Variants in ADAMTS17 observed in about 807,000 individuals in gnomAD.
ADAMTS17 encodes A disintegrin and metalloproteinase with thrombospondin motifs 17.
ADAMTS17 carries 113 observed loss-of-function variants against 141.5 expected under a neutral mutation model. That is an observed-to-expected ratio of 0.80 (90% CI 0.69 to 0.93). The LOEUF (loss-of-function observed/expected upper bound fraction) is 0.93. Among genes scored for constraint, ADAMTS17 ranks in the 40% least tolerant of loss-of-function variants. The pLI is 0.00. For synonymous variants in ADAMTS17, 768 were observed against 630.6 expected (o/e 1.22, Z -3.27); for missense variants, 1,659 against 1,517.9 (o/e 1.09, Z -1.54).
At chr15:100,305,484 G>A (rs2045191685) in intron 3 of ADAMTS17, among the ~76,000 whole-genome samples, 2 of 152,348 alleles carry the variant, frequency 1.3e-5, no homozygotes, top group East Asian at 1.9e-4. Flanking sequence ...CAAGACCTGT[G>A]TGCACAAGGC....
intron 18 of ADAMTS17, among the ~76,000 whole-genome samples, chr15:100,013,740 G>C (rs906827904): frequency 3.9e-5 from 6 of 152,152 alleles, no homozygotes; most frequent in Admixed American, 3.9e-4. Flanking sequence ...AAATCCACTT[G>C]ATCATGGTAG....
chr15:100,258,618 G>A (rs377582635), intron 6 of ADAMTS17, among the ~76,000 whole-genome samples: 135 of 151,888 alleles, frequency 8.9e-4, no homozygotes, highest in East Asian at 2.5e-3. Context: ...ACTTCTTCAC[G>A]ATCCCGAGAA....
Position 100,320,215 on chromosome 15 carries a change from G to A in ADAMTS17, c.616+10674C>T, listed in dbSNP as rs1046150459. On this transcript the variant is annotated intron_variant, in intron 3 of 21. Transcript: ENST00000268070. ...GCAAAAAGATGACACAAAACATGGA[G>A]GAAAAAATAGTAAGATCCACATATA... Among the ~76,000 whole-genome samples, 3 of 152,026 alleles carry A rather than the reference G, an allele frequency of 2.0e-5. No homozygotes were observed. The East Asian group carries it at 5.8e-4, about 29-fold the overall frequency.
chr15:100,322,962 C>T (rs2045775709), intron 3 of ADAMTS17, among the ~76,000 whole-genome samples: 2 of 151,808 alleles, frequency 1.3e-5, no homozygotes, highest in Non-Finnish European at 2.9e-5. Flanking sequence ...TGGCGGGCAC[C>T]TGTAGTCCCA....
At chr15:100,300,888 TAATCTA>T (rs2045008282) in intron 3 of ADAMTS17, among the ~76,000 whole-genome samples, 1 of 152,196 alleles carries the variant, frequency 6.6e-6, no homozygotes, top group South Asian at 2.1e-4. Flanking sequence ...GTGGGTCCCT[TAATCTA>T]AACCACAATA....
intron 15 of ADAMTS17, among the ~76,000 whole-genome samples, chr15:100,084,351 G>A (rs1341642103): frequency 1.3e-5 from 2 of 152,206 alleles, no homozygotes; most frequent in South Asian, 2.1e-4. Flanking sequence ...CGGGAAGCTC[G>A]AACTGGGTGG....
At chr15:100,057,851 G>A (rs537607549) in intron 15 of ADAMTS17, among the ~76,000 whole-genome samples, 13 of 152,196 alleles carry the variant, frequency 8.5e-5, no homozygotes, top group East Asian at 1.9e-4. Context: ...GAGAGAAACC[G>A]TTTCTCCTGT....
At chr15:99,988,420 C>T (rs908998640) in intron 20 of ADAMTS17, among the ~76,000 whole-genome samples, 75 of 152,320 alleles carry the variant, frequency 4.9e-4, no homozygotes, top group African/African-American at 1.7e-3. Context: ...GAGGCCTCCC[C>T]AGAAGCAGAT....
At chr15:99,999,283 A>C (rs543324620) in intron 18 of ADAMTS17, among the ~76,000 whole-genome samples, 25 of 152,282 alleles carry the variant, frequency 1.6e-4, no homozygotes, top group African/African-American at 5.3e-4. Flanking sequence ...AAATATACTA[A>C]ATGAGATTAG....
intron 7 of ADAMTS17, among the ~76,000 whole-genome samples, chr15:100,245,998 G>A (rs1207821541): frequency 6.6e-6 from 1 of 151,954 alleles, no homozygotes; most frequent in Middle Eastern, 3.2e-3. Flanking sequence ...CACAGAGCAA[G>A]CACACAGAGG....
intron 18 of ADAMTS17, among the ~76,000 whole-genome samples, chr15:100,026,064 A>C (rs1161238475): frequency 6.6e-6 from 1 of 152,178 alleles, no homozygotes; most frequent in Admixed American, 6.5e-5. Context: ...AGGCCTCCTC[A>C]TACTCAGTTA....
chr15:100,082,872 A>G (rs2034847475), intron 15 of ADAMTS17, among the ~76,000 whole-genome samples: 1 of 150,170 alleles, frequency 6.7e-6, no homozygotes, highest in Non-Finnish European at 1.5e-5. Flanking sequence ...GGGGATGCGC[A>G]GGGTTTGCTT....
chr15:100,029,801 T>A (rs1331804185), intron 18 of ADAMTS17, among the ~76,000 whole-genome samples: 1 of 152,220 alleles, frequency 6.6e-6, no homozygotes, highest in Non-Finnish European at 1.5e-5. Flanking sequence ...GCTTTCTGAG[T>A]TAAAATGTCA....
intron 7 of ADAMTS17, among the ~76,000 whole-genome samples, chr15:100,207,698 T>G (rs2041630571): frequency 6.6e-6 from 1 of 152,208 alleles, no homozygotes; most frequent in Non-Finnish European, 1.5e-5. Flanking sequence ...TACAACACCT[T>G]AGCCAGCTGC....
At chr15:100,100,679 C>T (rs2036041971) in intron 14 of ADAMTS17, among the ~76,000 whole-genome samples, 1 of 152,190 alleles carries the variant, frequency 6.6e-6, no homozygotes, top group Admixed American at 6.5e-5. Flanking sequence ...AGCTCCACTC[C>T]CTAGTTTACA....
At chr15:100,127,223 T>C (rs989347261) in intron 12 of ADAMTS17, among the ~76,000 whole-genome samples, 53 of 152,238 alleles carry the variant, frequency 3.5e-4, no homozygotes, top group African/African-American at 1.2e-3. Context: ...CAAAAGGGCC[T>C]TGGCAGATGT....
chr15:100,335,216 C>A (rs1009261193), intron 2 of ADAMTS17, among the ~76,000 whole-genome samples: 1 of 152,186 alleles, frequency 6.6e-6, no homozygotes, highest in Admixed American at 6.5e-5. Flanking sequence ...AGGTTGAGAA[C>A]CACTGCTCTA....
chr15:100,227,702 C>CT (rs1316310047), intron 7 of ADAMTS17, among the ~76,000 whole-genome samples: 1 of 152,188 alleles, frequency 6.6e-6, no homozygotes, highest in Non-Finnish European at 1.5e-5. Context: ...TCTGAGGCTG[C>CT]CAGCAGGCCT....
intron 18 of ADAMTS17, among the ~76,000 whole-genome samples, chr15:100,031,995 A>G (rs186967553): frequency 5.9e-5 from 9 of 152,358 alleles, no homozygotes; most frequent in Admixed American, 3.3e-4. Context: ...TACAGGAATG[A>G]CGGAGGTGTC....
Sources: gnomAD v4.1 joint callset for allele counts (sites outside exome capture counted in the v4.1 genomes callset) on GRCh38, gnomAD v4.1.1 for gene constraint, MANE v1.5 for transcripts, NCBI Gene and HGNC (gene_info 2026-07-23, HGNC 2026-07-21) for gene names.